The following LINGO1 variants were observed in gnomAD, a reference collection of about 807,000 sequenced individuals.
LINGO1 encodes leucine rich repeat and Ig domain containing 1, also known as leucine-rich repeat and immunoglobulin-like domain-containing nogo receptor-interacting protein 1.
Under a neutral mutation model 37.3 loss-of-function variants are expected in LINGO1, and 11 were observed. The ratio of observed to expected loss-of-function variants is 0.29; its 90% CI spans 0.19 to 0.49. LINGO1 has a LOEUF of 0.49. LINGO1 is among the 20% of genes least tolerant of loss of function. The probability of loss-of-function intolerance (pLI) is 0.99; values close to 1 mark genes in which losing one functional copy is unlikely to be tolerated. For synonymous variants in LINGO1, 387 were observed against 403.0 expected, an observed-to-expected ratio of 0.96 and a Z score of 0.48; for missense variants, 585 against 878.2, an observed-to-expected ratio of 0.67 and a Z score of 4.22.
chr15:77,745,235 G>T (rs1401308598), intron 1 of LINGO1, among the ~76,000 whole-genome samples: 1 of 151,912 alleles, frequency 6.6e-6, no homozygotes, highest in Non-Finnish European at 1.5e-5. Flanking sequence ...GACCATCCTG[G>T]CTAACATAGT....
At chr15:77,776,522 G>C (rs56273268) in intron 1 of LINGO1, among the ~76,000 whole-genome samples, 15,431 of 49,644 alleles carry the variant, frequency 0.31, 2,309 homozygotes, top group Admixed American at 0.43. Context: ...GGCAGGAAGG[G>C]AGGAAGGGAG....
At chr15:77,617,319 G>A (rs991071768) in intron 1 of LINGO1, among the ~76,000 whole-genome samples, 6 of 152,128 alleles carry the variant, frequency 3.9e-5, no homozygotes, top group African/African-American at 4.8e-5. Flanking sequence ...CTGGCAAATA[G>A]GGTGAGTAGG....
chr15:77,805,337 G>A (rs1439272925), intron 1 of LINGO1, among the ~76,000 whole-genome samples: 1 of 152,198 alleles, frequency 6.6e-6, no homozygotes, highest in African/African-American at 2.4e-5. Context: ...TGCACCATAT[G>A]ACAGAACAGA....
At position 77,614,776 on chromosome 15, in the gene LINGO1, G is replaced by T; in HGVS notation, c.1131C>A (p.Leu377=). 1 of 1,609,264 alleles carries T rather than the reference G, an allele frequency of 6.2e-7. No individual in the cohort carries two copies. Among genetic ancestry groups the T allele is most frequent in the South Asian group, 1.1e-5 (1 of 90,242 alleles). Residue 377 remains leucine, a synonymous_variant, in exon 2 of 2, where the codon CTC becomes CTA. Transcript: ENST00000355300. ...DSNPLACDCR[L]LWVFRRRWRL... ...GCCAGCGGCGCCGGAACACCCACAG[G>T]AGCCGACAGTCGCAGGCCAGCGGGT...
At chr15:77,772,205 G>A (rs189946724) in intron 1 of LINGO1, among the ~76,000 whole-genome samples, 34 of 152,344 alleles carry the variant, frequency 2.2e-4, no homozygotes, top group Admixed American at 2.2e-3. Context: ...TCCTCTCCCT[G>A]TCCCTGAGAA....
At chr15:77,656,509 C>A (rs991660469) in intron 3 of LINGO1, among the ~76,000 whole-genome samples, 4 of 152,226 alleles carry the variant, frequency 2.6e-5, no homozygotes, top group South Asian at 4.1e-4. Flanking sequence ...AGCCGCCCTG[C>A]GCCCATATGG....
At chr15:77,757,457 A>T (rs764320401) in intron 1 of LINGO1, among the ~76,000 whole-genome samples, 1 of 152,232 alleles carries the variant, frequency 6.6e-6, no homozygotes, top group Non-Finnish European at 1.5e-5. Flanking sequence ...GGGCCCCCAC[A>T]GGCTCACAGG....
At chr15:77,623,059 C>T (rs2142535827) in intron 1 of LINGO1, among the ~76,000 whole-genome samples, 1 of 152,324 alleles carries the variant, frequency 6.6e-6, no homozygotes, top group Non-Finnish European at 1.5e-5. Context: ...GCCCTGCCTG[C>T]AGACGCACCC....
intron 1 of LINGO1, among the ~76,000 whole-genome samples, chr15:77,754,843 A>T (rs1052777047): frequency 6.6e-5 from 10 of 152,248 alleles, no homozygotes; most frequent in African/African-American, 2.2e-4. Context: ...CTCTGCCCTC[A>T]GTCACTGAGG....
chr15:77,630,571 G>A (rs1243114699), intron 1 of LINGO1, among the ~76,000 whole-genome samples: 2 of 152,174 alleles, frequency 1.3e-5, no homozygotes, highest in African/African-American at 4.8e-5. Flanking sequence ...CAAGGGGTAA[G>A]TCTCTCCACC....
chr15:77,613,935 G>A lies in LINGO1; in HGVS notation c.*109C>T, dbSNP rs980606860. On this transcript the variant is annotated 3_prime_UTR_variant, in exon 2 of 2. Coordinates refer to ENST00000355300, the MANE Select transcript of LINGO1 (RefSeq NM_032808.7). Reference sequence around the variant, plus strand: ...CGGAGGCGGGAGGGAGAAAGAGAACGTGTGTAGAAGGGTAGGGAGGAGGTG... The same window carrying A: ...CGGAGGCGGGAGGGAGAAAGAGAACATGTGTAGAAGGGTAGGGAGGAGGTG... 15 of 885,920 alleles carry A rather than the reference G, an allele frequency of 1.7e-5. No individual in the cohort carries two copies. The highest frequency in any genetic ancestry group is 1.3e-4 in the East Asian group (5 of 37,530). 54.9% of individuals were successfully genotyped at this position (885,920 alleles called of 1,614,324 possible).
Position 77,632,431 on chromosome 15 carries a change from C to G in LINGO1, c.-116G>C. Reference sequence around the variant, plus strand: ...TCCTCCGTTTCCTCCTCCTCCGACACCTCCGCCCGGCAGTCCGCGCGCCCT... The same window carrying G: ...TCCTCCGTTTCCTCCTCCTCCGACAGCTCCGCCCGGCAGTCCGCGCGCCCT... On this transcript the variant is annotated 5_prime_UTR_variant, in exon 1 of 2. Transcript: ENST00000355300. This position sits in a 1 kb window ranked among gnomAD's most constrained non-coding sequence, Gnocchi z 6.0. The G allele has an allele frequency of 8.7e-7, 1 of 1,145,864 alleles. No individual in the cohort carries two copies. Among genetic ancestry groups the G allele is most frequent in the Non-Finnish European group, 1.1e-6 (1 of 903,644 alleles). 71.0% of individuals were successfully genotyped at this position (1,145,864 alleles called of 1,614,324 possible).
At chr15:77,699,709 AT>A (rs1567532128), upstream of LINGO1, among the ~76,000 whole-genome samples, 14 of 5,354 alleles carry the variant, frequency 2.6e-3, no homozygotes, top group South Asian at 6.9e-3. Context: ...ACTAACCATC[AT>A]TCCCACACAC....
rs1237890354 is a variant in LINGO1, at chr15:77,615,099, T to C, written c.808A>G (p.Ile270Val). The change falls in exon 2 of 2, where the codon ATC becomes GTC. Residue 270 changes from isoleucine to valine, a missense_variant. Physicochemically the swap from Ile to Val is conservative, Grantham distance 29. Transcript: ENST00000355300. ...ACAGCGGTCAGATTGCAGTGTGTGATGGACAGGGACGTCAGGTTGAGGCCG... is the reference window on the plus strand; with the variant it reads ...ACAGCGGTCAGATTGCAGTGTGTGACGGACAGGGACGTCAGGTTGAGGCCG... ...LYGLNLTSLS[I>V]THCNLTAVPY... is the part of the protein sequence containing the mutation. 6.2e-7 allele frequency: 1 copy of C among 1,613,988 alleles called. No individual in the cohort carries two copies. Among genetic ancestry groups the C allele is most frequent in the South Asian group, 1.1e-5 (1 of 91,074 alleles).
chr15:77,623,476 G>A (rs1272166036), intron 1 of LINGO1, among the ~76,000 whole-genome samples: 1 of 152,222 alleles, frequency 6.6e-6, no homozygotes, highest in African/African-American at 2.4e-5. Context: ...AGCTGCTAAT[G>A]GGAGAAATAA....
intron 3 of LINGO1, among the ~76,000 whole-genome samples, chr15:77,644,463 G>A (rs1404211805): frequency 6.6e-6 from 1 of 152,214 alleles, no homozygotes; most frequent in Non-Finnish European, 1.5e-5. Context: ...CCCCAAACAG[G>A]CTTGAGCATC....
At chr15:77,705,648 C>A (rs1158400056) in intron 2 of LINGO1, among the ~76,000 whole-genome samples, 1 of 152,232 alleles carries the variant, frequency 6.6e-6, no homozygotes, top group South Asian at 2.1e-4. Context: ...GGCACTGCCA[C>A]GCTCGGAAAG....
rs180905746 is a variant in LINGO1, at chr15:77,659,475, C to G, written c.-13+17614G>C. On this transcript the variant is annotated intron_variant, in intron 3 of 3. Transcript: ENST00000559893. ...CACTCTTTCGGTTCCCACTTTGTCACAGTGGATCCTTAAGGCCATCTGACC... is the reference window on the plus strand; with the variant it reads ...CACTCTTTCGGTTCCCACTTTGTCAGAGTGGATCCTTAAGGCCATCTGACC... Among the ~76,000 whole-genome samples the G allele has an allele frequency of 7.2e-5, 11 of 152,304 alleles. No homozygotes were observed. The East Asian group carries it at 2.1e-3, about 29-fold the overall frequency.
intron 1 of LINGO1, among the ~76,000 whole-genome samples, chr15:77,691,555 C>A (rs1198342708): frequency 6.6e-6 from 1 of 152,118 alleles, no homozygotes; most frequent in African/African-American, 2.4e-5. Flanking sequence ...GGACCTACCT[C>A]CTCCAGCCAC....
Sources: allele counts gnomAD v4.1 joint callset (sites outside exome capture counted in the v4.1 genomes callset), GRCh38; gene constraint gnomAD v4.1.1; non-coding constraint Gnocchi (gnomAD v3.1); transcripts MANE v1.5; gene names NCBI Gene and HGNC (gene_info 2026-07-23, HGNC 2026-07-21).